AKAP10: variants seen among roughly 807,000 people sequenced by gnomAD.
AKAP10 encodes the protein A-kinase anchor protein 10, mitochondrial.
AKAP10 carries 24 observed loss-of-function variants against 80.8 expected under a neutral mutation model. The ratio of observed to expected loss-of-function variants is 0.30; its 90% CI spans 0.22 to 0.42. The LOEUF is 0.42. Among genes scored for constraint, AKAP10 ranks in the 10% least tolerant of loss-of-function variants. AKAP10 has a pLI of 1.00. For missense variants in AKAP10, 661 were observed against 794.9 expected, an observed-to-expected ratio of 0.83 and a Z score of 2.03; for synonymous variants, 291 against 277.7, an observed-to-expected ratio of 1.05 and a Z score of -0.48.
Position 19,970,621 on chromosome 17 carries a change from G to A in AKAP10, c.89-2160C>T, listed in dbSNP as rs149675092. Reference sequence around the variant, plus strand: ...GTGGCTCACTTAAGGTCAGGAGTTCGAGACCAGCCTTGCCAACATGGTGAA... The same window carrying A: ...GTGGCTCACTTAAGGTCAGGAGTTCAAGACCAGCCTTGCCAACATGGTGAA... On this transcript the variant is annotated intron_variant, in intron 1 of 14. Coordinates refer to ENST00000225737, the MANE Select transcript of AKAP10 (RefSeq NM_007202.4). Among the ~76,000 whole-genome samples the A allele has an allele frequency of 2.7e-3, 407 of 152,120 alleles. 14 individuals carry two copies. The East Asian group carries it at 0.074, about 28-fold the overall frequency.
At chr17:19,965,874 T>C (rs963168311) in intron 2 of AKAP10, among the ~76,000 whole-genome samples, 1 of 152,042 alleles carries the variant, frequency 6.6e-6, no homozygotes, top group Non-Finnish European at 1.5e-5. Context: ...TTTTTGGATA[T>C]TATTTCATCT....
At chr17:19,964,748 C>G (rs2152418664) in intron 2 of AKAP10, among the ~76,000 whole-genome samples, 1 of 152,214 alleles carries the variant, frequency 6.6e-6, no homozygotes, top group Middle Eastern at 3.4e-3. Flanking sequence ...AAGAAATTAG[C>G]TGGGCTTGGT....
intron 11 of AKAP10, among the ~76,000 whole-genome samples, chr17:19,920,644 A>C (rs1441710927): frequency 6.6e-6 from 1 of 152,060 alleles, no homozygotes; most frequent in Non-Finnish European, 1.5e-5. Flanking sequence ...GTAGTTTGAG[A>C]CCAGCCTGGC....
At chr17:19,913,612 G>C (rs149161568) in intron 12 of AKAP10, among the ~76,000 whole-genome samples, 7 of 152,264 alleles carry the variant, frequency 4.6e-5, no homozygotes, top group African/African-American at 1.7e-4. Flanking sequence ...TGTAGAATGA[G>C]GATATGATAT....
At chr17:19,966,280 C>T (rs781197797) in intron 2 of AKAP10, among the ~76,000 whole-genome samples, 132 of 152,090 alleles carry the variant, frequency 8.7e-4, no homozygotes, top group Admixed American at 1.7e-3. Flanking sequence ...CATTTTGCCT[C>T]CGAATTTTTT....
intron 4 of AKAP10, among the ~76,000 whole-genome samples, chr17:19,953,759 C>T (rs868563156): frequency 1.3e-5 from 2 of 151,806 alleles, no homozygotes; most frequent in African/African-American, 2.4e-5. Context: ...CTGCCAGGCA[C>T]GGTGGCTCAC....
At chr17:19,916,372 T>C (rs2042742094) in intron 12 of AKAP10, among the ~76,000 whole-genome samples, 1 of 152,192 alleles carries the variant, frequency 6.6e-6, no homozygotes, top group African/African-American at 2.4e-5. Flanking sequence ...GAACAATAGA[T>C]GCATACAGTA....
intron 4 of AKAP10, among the ~76,000 whole-genome samples, chr17:19,954,456 A>G (rs115589534): frequency 3.0e-3 from 456 of 151,930 alleles, no homozygotes; most frequent in African/African-American, 0.011. Context: ...AAAAAGATAT[A>G]TATCTAAACG....
In AKAP10 at chr17:19,931,816, A is replaced by C. The variant is rs776518470; in HGVS notation, c.1630T>G (p.Ser544Ala). 6 of 1,613,162 alleles carry C rather than the reference A, an allele frequency of 3.7e-6. No individual in the cohort carries two copies. In the East Asian group the frequency reaches 1.3e-4, roughly 36 times the overall value. The change falls in exon 10 of 15, where the codon TCT becomes GCT. Residue 544 changes from serine (S) to alanine (A), a missense_variant. Coordinates refer to ENST00000225737, the MANE Select transcript of AKAP10 (RefSeq NM_007202.4). ...CAATCAGTCAATACCTGAGACGCAG[A>C]GCTGTCAGAACTCCCTGGGTGAGAC... The part of the protein sequence containing the change: ...DESHPGSSDS[S>A]ASQSSVKKAS...
chr17:19,920,195 G>A (rs989673148), intron 11 of AKAP10, 77 bp from the exon 12 acceptor site: 100 of 1,100,016 alleles, frequency 9.1e-5, no homozygotes, highest in Admixed American at 3.5e-4. Flanking sequence ...AATTTAAAGC[G>A]TTTCATCTAA....
chr17:19,971,099 C>T (rs1159864773), intron 1 of AKAP10, among the ~76,000 whole-genome samples: 2 of 151,892 alleles, frequency 1.3e-5, no homozygotes, highest in African/African-American at 4.8e-5. Flanking sequence ...GATCCTCCTG[C>T]CTCAGCCTCC....
chr17:19,942,449 G>T (rs1252797020), intron 5 of AKAP10, among the ~76,000 whole-genome samples: 1 of 152,082 alleles, frequency 6.6e-6, no homozygotes, highest in Non-Finnish European at 1.5e-5. Context: ...AAGGGCACAA[G>T]AAAACTAACA....
chr17:19,909,998 T>C lies in AKAP10; in HGVS notation c.1835-20A>G, dbSNP rs1189223282. On this transcript the variant is annotated intron_variant, in intron 12 of 14. Coordinates refer to ENST00000225737, the MANE Select transcript of AKAP10 (RefSeq NM_007202.4). ...TGGATCCTAGTAAACAAAGACAAAA[T>C]TGAATGTACATTTCATGCATAATTT... is the stretch of plus-strand genomic sequence containing the variant. The C allele has an allele frequency of 1.2e-6, 2 of 1,611,196 alleles. No homozygotes were observed. Among genetic ancestry groups the C allele is most frequent in the Non-Finnish European group, 1.7e-6 (2 of 1,177,948 alleles).
intron 4 of AKAP10, among the ~76,000 whole-genome samples, chr17:19,950,966 G>T (rs1159931228): frequency 7.0e-6 from 1 of 142,390 alleles, no homozygotes. Context: ...CCGCGACCCC[G>T]TCTGGGAACT....
chr17:19,949,942 T>C (rs1428981287), intron 4 of AKAP10, among the ~76,000 whole-genome samples: 1 of 152,158 alleles, frequency 6.6e-6, no homozygotes, highest in Non-Finnish European at 1.5e-5. Context: ...AGTATGTATA[T>C]TGTAATTCCT....
intron 9 of AKAP10, among the ~76,000 whole-genome samples, chr17:19,934,169 C>A (rs1164255130): frequency 2.6e-5 from 4 of 152,250 alleles, no homozygotes; most frequent in African/African-American, 7.2e-5. Flanking sequence ...GATCCACCCA[C>A]CTCGGCCTCC....
intron 12 of AKAP10, among the ~76,000 whole-genome samples, chr17:19,914,376 A>G (rs2152409993): frequency 6.6e-6 from 1 of 152,242 alleles, no homozygotes. Context: ...ATAGGCCAGG[A>G]GTAGTGGCTC....
chr17:19,960,990 G>A (rs2152418116), intron 3 of AKAP10, among the ~76,000 whole-genome samples: 1 of 151,642 alleles, frequency 6.6e-6, no homozygotes, highest in East Asian at 2.0e-4. Flanking sequence ...TTGGGCCACT[G>A]CACTCCAGCC....
At chr17:19,906,322 G>C in intron 14 of AKAP10, 90 bp from the exon 15 acceptor site, 1 of 1,416,592 alleles carries the variant, frequency 7.1e-7, no homozygotes, top group East Asian at 2.3e-5. Flanking sequence ...CCAACACTTA[G>C]TGTTTACTAT....
Sources: allele counts gnomAD v4.1 joint callset (sites outside exome capture counted in the v4.1 genomes callset), GRCh38; gene constraint gnomAD v4.1.1; transcripts MANE v1.5; gene names NCBI Gene and HGNC (gene_info 2026-07-23, HGNC 2026-07-21).